Variants in PCDH15 observed in about 807,000 individuals in gnomAD.
PCDH15 encodes protocadherin-15.
In PCDH15, 129 loss-of-function variants were observed where a neutral mutation model predicts 178.5. The ratio of observed to expected loss-of-function variants is 0.72; its 90% CI spans 0.63 to 0.84. The LOEUF is 0.84. Among genes scored for constraint, PCDH15 ranks in the 40% least tolerant of loss-of-function variants. The pLI is 0.00. For synonymous variants in PCDH15, 800 were observed against 732.0 expected, an observed-to-expected ratio of 1.09 and a Z score of -1.50; for missense variants, 2,230 against 2,099.9, an observed-to-expected ratio of 1.06 and a Z score of -1.21.
At chr10:54,407,330 G>A (rs1052856963) in intron 3 of PCDH15, among the ~76,000 whole-genome samples, 8 of 151,518 alleles carry the variant, frequency 5.3e-5, no homozygotes, top group Admixed American at 2.6e-4. Flanking sequence ...AGTTAACGTT[G>A]GTATATTTCA....
chr10:55,514,367 A>G (rs139080900), intron 2 of PCDH15, among the ~76,000 whole-genome samples: 217 of 152,284 alleles, frequency 1.4e-3, no homozygotes, highest in African/African-American at 5.0e-3. Flanking sequence ...ATAGTATTGT[A>G]GAGGTCAAGA....
At chr10:55,345,157 CTATA>C (rs61288405) in intron 2 of PCDH15, among the ~76,000 whole-genome samples, 20 of 150,488 alleles carry the variant, frequency 1.3e-4, no homozygotes, top group South Asian at 2.1e-4. Context: ...CTCTCTCTCT[CTATA>C]TATATATATA....
intron 2 of PCDH15, among the ~76,000 whole-genome samples, chr10:54,946,544 G>A (rs1838204485): frequency 4.6e-5 from 7 of 151,622 alleles, no homozygotes. Context: ...TTGATTGCTG[G>A]GTCTTTTTAG....
intron 2 of PCDH15, among the ~76,000 whole-genome samples, chr10:54,612,662 G>A (rs975282781): frequency 1.1e-4 from 17 of 151,432 alleles, no homozygotes; most frequent in Middle Eastern, 6.8e-3. Flanking sequence ...ATTTTGCCTC[G>A]ACTTACTTAT....
intron 1 of PCDH15, among the ~76,000 whole-genome samples, chr10:55,280,928 T>A (rs575804570): frequency 6.6e-6 from 1 of 152,170 alleles, no homozygotes; most frequent in Non-Finnish European, 1.5e-5. Context: ...ATAATACAAT[T>A]ACTGAACTGA....
At chr10:54,240,567 GTTGGCTCTCTTAGAGACATTTACT>G (rs1254374239) in intron 8 of PCDH15, among the ~76,000 whole-genome samples, 1 of 147,118 alleles carries the variant, frequency 6.8e-6, no homozygotes, top group African/African-American at 2.5e-5. Flanking sequence ...CAGATGGTGT[GTTGGCTCTCTTAGAGACATTTACT>G]TAAACTTCTA....
intron 8 of PCDH15, among the ~76,000 whole-genome samples, chr10:54,307,635 A>G (rs1414426745): frequency 6.6e-6 from 1 of 151,992 alleles, no homozygotes; most frequent in Admixed American, 6.6e-5. Context: ...GTCATAATAT[A>G]CTGCATAATT....
At chr10:55,377,903 C>T (rs1837438148) in intron 2 of PCDH15, among the ~76,000 whole-genome samples, 1 of 152,018 alleles carries the variant, frequency 6.6e-6, no homozygotes, top group Admixed American at 6.6e-5. Flanking sequence ...TCATGTCCTT[C>T]GTGGCGACAT....
intron 3 of PCDH15, among the ~76,000 whole-genome samples, chr10:54,518,087 C>T (rs991709935): frequency 1.4e-4 from 21 of 151,896 alleles, no homozygotes; most frequent in Non-Finnish European, 8.8e-5. Flanking sequence ...TTTATAGCAC[C>T]AAATGCCCAA....
chr10:54,169,624 T>C lies in PCDH15; in HGVS notation c.1590+13820A>G, dbSNP rs2046654840. Among the ~76,000 whole-genome samples, 4 of 150,928 alleles carry C rather than the reference T, an allele frequency of 2.7e-5. No homozygotes were observed. In the South Asian group the frequency reaches 8.4e-4, roughly 32 times the overall value. ...CCAAAGCCTCCTTTGCATACTCCTC[T>C]TGTATCCCCCCACCTTAACCTACAA... On this transcript the variant is annotated intron_variant, in intron 13 of 37. Transcript: ENST00000644397.
At chr10:55,548,210 G>GCGCGCA (rs386371439) in intron 2 of PCDH15, among the ~76,000 whole-genome samples, 8 of 121,190 alleles carry the variant, frequency 6.6e-5, no homozygotes, top group Admixed American at 5.0e-4. Context: ...AATGCCTAAT[G>GCGCGCA]CACACACACA....
In PCDH15 at chr10:54,967,453, A is replaced by G. The variant is rs139234192; in HGVS notation, c.-79-69953T>C. On this transcript the variant is annotated intron_variant, in intron 2 of 5. Coordinates refer to the PCDH15 transcript ENST00000458638. ...CCCTTTCTTTTGCCAATGTAACAGT[A>G]TTGATTTTTTTATAATTACATATAA... 5.2e-3 allele frequency among the ~76,000 whole-genome samples: 793 copies of G among 152,214 alleles called. 5 individuals are homozygous for G. The highest frequency in any genetic ancestry group is 0.018 in the African/African-American group (757 of 41,552).
At chr10:55,048,109 A>G (rs1036125746) in intron 2 of PCDH15, among the ~76,000 whole-genome samples, 4 of 151,872 alleles carry the variant, frequency 2.6e-5, no homozygotes, top group African/African-American at 4.8e-5. Context: ...GATACTTCTT[A>G]TATGTTTAAG....
At position 54,023,138 on chromosome 10, in the gene PCDH15, A is replaced by G. The variant is rs1450781742; in HGVS notation, c.2280T>C (p.Asn760=). The G allele has an allele frequency of 1.2e-6, 2 of 1,613,918 alleles. No homozygotes were observed. The highest frequency in any genetic ancestry group is 1.1e-5 in the South Asian group (1 of 91,082). Residue 760 remains asparagine, a synonymous_variant, in exon 19 of 38, where the codon AAT becomes AAC. Transcript: ENST00000644397. ...CATTGGATGTGATACGAAAAAGATT[A>G]TTAAAGTTACCCAAACTGTAGTGCA... is the stretch of plus-strand genomic sequence containing the variant. ...GQVHYSLGNF[N]NLFRITSNGS...
At chr10:54,487,930 A>AT (rs36013758) in intron 3 of PCDH15, among the ~76,000 whole-genome samples, 22 of 151,972 alleles carry the variant, frequency 1.4e-4, no homozygotes, top group Non-Finnish European at 2.9e-4. Context: ...GCTGATAAGC[A>AT]TTTTTTCTAA....
chr10:54,640,911 C>T (rs1280829967), intron 2 of PCDH15, among the ~76,000 whole-genome samples: 2 of 152,016 alleles, frequency 1.3e-5, no homozygotes, highest in African/African-American at 4.8e-5. Flanking sequence ...GGAGACCAGC[C>T]TGGCTGACAT....
intron 1 of PCDH15, among the ~76,000 whole-genome samples, chr10:55,218,932 A>G (rs964950804): frequency 6.6e-6 from 1 of 152,046 alleles, no homozygotes; most frequent in Non-Finnish European, 1.5e-5. Context: ...GACAGCCAAC[A>G]TCTATATTTT....
intron 3 of PCDH15, among the ~76,000 whole-genome samples, chr10:54,828,435 C>A (rs1398418929): frequency 6.6e-6 from 1 of 151,776 alleles, no homozygotes; most frequent in East Asian, 1.9e-4. Flanking sequence ...TTGACTTCTG[C>A]TTAACTACTT....
chr10:55,259,902 C>CAAAAAAAAAAAAA (rs749939571), intron 1 of PCDH15, among the ~76,000 whole-genome samples: 13 of 52,010 alleles, frequency 2.5e-4, no homozygotes, highest in Non-Finnish European at 4.4e-4. Flanking sequence ...AACTCCGTCT[C>CAAAAAAAAAAAAA]AAAAAAAAAA....
Sources: allele counts gnomAD v4.1 joint callset (sites outside exome capture counted in the v4.1 genomes callset), GRCh38; gene constraint gnomAD v4.1.1; transcripts MANE v1.5; gene names NCBI Gene and HGNC (gene_info 2026-07-23, HGNC 2026-07-21).